The following FHIT variants were observed in gnomAD, a reference collection of about 807,000 sequenced individuals.
FHIT encodes bis(5'-adenosyl)-triphosphatase.
In FHIT, 19 loss-of-function variants were observed where a neutral mutation model predicts 17.9. The observed-to-expected ratio is 1.06, with a 90% CI of 0.74 to 1.56. The LOEUF is 1.56. Among genes scored for constraint, FHIT ranks in the 40% most tolerant of loss-of-function variants. The probability of loss-of-function intolerance (pLI) is 0.00; values close to 1 mark genes in which losing one functional copy is unlikely to be tolerated. For synonymous variants in FHIT, 81 were observed against 69.7 expected (o/e 1.16, Z -0.81); for missense variants, 248 against 189.2 (o/e 1.31, Z -1.82).
intron 5 of FHIT, among the ~76,000 whole-genome samples, chr3:60,159,776 C>G (rs933623655): frequency 6.6e-6 from 1 of 152,120 alleles, no homozygotes; most frequent in Admixed American, 6.5e-5. Context: ...TGTCATGCCC[C>G]AAGTCACTAG....
intron 5 of FHIT, among the ~76,000 whole-genome samples, chr3:60,359,981 CT>C (rs368086333): frequency 0.3 from 39,843 of 132,648 alleles, 6,097 homozygotes; most frequent in Admixed American, 0.43. Context: ...ACATTCAAGA[CT>C]TTTTTTTTTT....
At chr3:60,582,761 TAAC>T (rs2037787280) in intron 4 of FHIT, among the ~76,000 whole-genome samples, 1 of 152,020 alleles carries the variant, frequency 6.6e-6, no homozygotes, top group Non-Finnish European at 1.5e-5. Context: ...TGTACAAACA[TAAC>T]AACAACAAAT....
chr3:61,111,324 G>C (rs2036153361), intron 2 of FHIT, among the ~76,000 whole-genome samples: 1 of 152,158 alleles, frequency 6.6e-6, no homozygotes, highest in African/African-American at 2.4e-5. Flanking sequence ...TTGAGATCTG[G>C]CTCTGTCACT....
chr3:59,874,045 G>C (rs1703041823), intron 8 of FHIT, among the ~76,000 whole-genome samples: 1 of 152,082 alleles, frequency 6.6e-6, no homozygotes. Flanking sequence ...GCAGTACTGG[G>C]AAGTAAAACT....
intron 4 of FHIT, among the ~76,000 whole-genome samples, chr3:60,546,462 A>C (rs2036368413): frequency 6.6e-6 from 1 of 152,086 alleles, no homozygotes; most frequent in South Asian, 2.1e-4. Context: ...GTCATGTCCT[A>C]ACTTTTATGC....
At chr3:60,540,414 G>C (rs534431638) in intron 4 of FHIT, among the ~76,000 whole-genome samples, 18 of 152,328 alleles carry the variant, frequency 1.2e-4, no homozygotes, top group East Asian at 9.7e-4. Context: ...CAGAGGCCCA[G>C]ACTTGCAACT....
chr3:60,441,778 A>G (rs1410328862), intron 5 of FHIT, among the ~76,000 whole-genome samples: 1 of 70,174 alleles, frequency 1.4e-5, no homozygotes, highest in Non-Finnish European at 2.9e-5. Context: ...ATTTATATGT[A>G]TAAAAATATA....
At chr3:60,733,252 A>T (rs1353024548) in intron 4 of FHIT, among the ~76,000 whole-genome samples, 1 of 152,192 alleles carries the variant, frequency 6.6e-6, no homozygotes, top group Non-Finnish European at 1.5e-5. Flanking sequence ...CCAACTAGGA[A>T]TTCAGGCAGA....
intron 3 of FHIT, among the ~76,000 whole-genome samples, chr3:60,861,639 A>G (rs1703901111): frequency 6.6e-6 from 1 of 152,016 alleles, no homozygotes; most frequent in Non-Finnish European, 1.5e-5. Context: ...GTTCCCCTTG[A>G]AATCACTGCA....
At chr3:60,927,159 C>A (rs375884199) in intron 3 of FHIT, among the ~76,000 whole-genome samples, 2 of 152,178 alleles carry the variant, frequency 1.3e-5, no homozygotes, top group Non-Finnish European at 2.9e-5. Context: ...GCTGCTAAGC[C>A]TGACTGGTTT....
chr3:59,752,484 C>T (rs984121056), intron 8 of FHIT, among the ~76,000 whole-genome samples, 163 bp from the exon 9 acceptor site: 1 of 152,104 alleles, frequency 6.6e-6, no homozygotes, highest in African/African-American at 2.4e-5. Flanking sequence ...AGGCTTTATA[C>T]AAGAATCCAC....
chr3:61,177,552 T>C (rs1318951968), intron 2 of FHIT, among the ~76,000 whole-genome samples: 4 of 152,212 alleles, frequency 2.6e-5, no homozygotes, highest in Non-Finnish European at 4.4e-5. Context: ...AAATAGAACC[T>C]GCAGAACTTT....
intron 1 of FHIT, among the ~76,000 whole-genome samples, chr3:61,217,317 G>A (rs2039711834): frequency 1.3e-5 from 2 of 152,108 alleles, no homozygotes; most frequent in Admixed American, 1.3e-4. Context: ...GATATCTCAT[G>A]CCCTCAAATA....
chr3:60,258,632 A>G (rs1706140314), intron 5 of FHIT, among the ~76,000 whole-genome samples: 1 of 152,130 alleles, frequency 6.6e-6, no homozygotes, highest in Non-Finnish European at 1.5e-5. Flanking sequence ...GGCACCTATA[A>G]CAAAAGGTAG....
rs183751724 is a variant in FHIT, at chr3:60,177,509, C to T, written c.104-163357G>A. ...GGAATGATTCTAACTATAGTCCCTT[C>T]GCATAGAAGTAGGTCAAAACAGAAG... On this transcript the variant is annotated intron_variant, in intron 5 of 9. Coordinates refer to ENST00000492590, the MANE Select transcript of FHIT (RefSeq NM_002012.4). Among the ~76,000 whole-genome samples, 28 of 152,268 alleles carry T rather than the reference C, an allele frequency of 1.8e-4. No homozygotes were observed. The East Asian group carries it at 3.5e-3, about 19-fold the overall frequency.
chr3:59,835,549 G>A (rs1437721063), intron 8 of FHIT, among the ~76,000 whole-genome samples: 2 of 152,174 alleles, frequency 1.3e-5, no homozygotes, highest in Non-Finnish European at 2.9e-5. Context: ...TGTTCTAGGA[G>A]TAGATGTGTC....
At chr3:59,778,615 G>A (rs912197790) in intron 8 of FHIT, among the ~76,000 whole-genome samples, 8 of 152,114 alleles carry the variant, frequency 5.3e-5, no homozygotes, top group African/African-American at 1.2e-4. Context: ...GCTGTGTTCC[G>A]ATAAAACTTT....
At chr3:60,586,591 T>C (rs782373694) in intron 4 of FHIT, among the ~76,000 whole-genome samples, 5 of 151,956 alleles carry the variant, frequency 3.3e-5, no homozygotes, top group Non-Finnish European at 7.4e-5. Flanking sequence ...GGAATCAACC[T>C]AAATGCCCAG....
rs1272229977 is a variant in FHIT at position 61,179,733 on chromosome 3, AC to A, written c.-164+20883del. Among the ~76,000 whole-genome samples, 5 of 146,828 alleles carry A rather than the reference AC, an allele frequency of 3.4e-5. No individual in the cohort carries two copies. The East Asian group carries it at 1.0e-3, about 30-fold the overall frequency. On this transcript the variant is annotated intron_variant, in intron 2 of 9. Coordinates refer to ENST00000492590, the MANE Select transcript of FHIT (RefSeq NM_002012.4). ...AAAAAAAAAAAAAAAAAAAAAAAAA[AC>A]CACCCAAAAACACACACAAATTCAA...
Sources: gnomAD v4.1 joint callset for allele counts (sites outside exome capture counted in the v4.1 genomes callset) on GRCh38, gnomAD v4.1.1 for gene constraint, MANE v1.5 for transcripts, NCBI Gene and HGNC (gene_info 2026-07-23, HGNC 2026-07-21) for gene names.